CSNK1G3: variants seen among roughly 807,000 people sequenced by gnomAD.
CSNK1G3 encodes casein kinase 1 gamma 3.
In CSNK1G3, 23 loss-of-function variants were observed where a neutral mutation model predicts 64.3. The ratio of observed to expected loss-of-function variants is 0.36; its 90% CI spans 0.26 to 0.51. CSNK1G3 has a LOEUF of 0.51. Among genes scored for constraint, CSNK1G3 ranks in the 20% least tolerant of loss-of-function variants. CSNK1G3 has a pLI of 0.96. For synonymous variants in CSNK1G3, 158 were observed against 162.2 expected, an observed-to-expected ratio of 0.97 and a Z score of 0.20; for missense variants, 357 against 510.5, an observed-to-expected ratio of 0.70 and a Z score of 2.90.
intron 1 of CSNK1G3, among the ~76,000 whole-genome samples, chr5:123,530,421 T>C (rs1779739596): frequency 6.6e-6 from 1 of 152,346 alleles, no homozygotes; most frequent in South Asian, 2.1e-4. Context: ...TGTGCCATAA[T>C]ACAGTAGCTT....
intron 4 of CSNK1G3, among the ~76,000 whole-genome samples, chr5:123,558,057 A>C (rs1018742760): frequency 6.6e-6 from 1 of 152,184 alleles, no homozygotes; most frequent in African/African-American, 2.4e-5. Context: ...AGGAGTAGGC[A>C]TTGTGACTGT....
At chr5:123,536,440 T>TTTA (rs1554068699) in intron 1 of CSNK1G3, among the ~76,000 whole-genome samples, 4 of 118,812 alleles carry the variant, frequency 3.4e-5, no homozygotes, top group Admixed American at 1.8e-4. Flanking sequence ...TTTTTTTTTT[T>TTTA]AAAAAAAAAA....
Position 123,534,133 on chromosome 5 carries a change from TTACGTA to T in CSNK1G3, c.-247-11280_-247-11275del, listed in dbSNP as rs545390630. On this transcript the variant is annotated intron_variant, in intron 1 of 12. Coordinates refer to ENST00000345990, the Ensembl canonical transcript of CSNK1G3. ...TGTGCTAGGTTCAGGGATCATAAAG[TTACGTA>T]TACTAGAGCCCTTGTCATCAAATAC... Among the ~76,000 whole-genome samples, 11 of 152,200 alleles carry T rather than the reference TTACGTA, an allele frequency of 7.2e-5. No individual in the cohort carries two copies. In the South Asian group the frequency reaches 1.0e-3, roughly 14 times the overall value.
At chr5:123,569,391 T>C (rs1249199958) in intron 4 of CSNK1G3, among the ~76,000 whole-genome samples, 2 of 152,224 alleles carry the variant, frequency 1.3e-5, no homozygotes, top group Non-Finnish European at 2.9e-5. Context: ...AGTTACAATG[T>C]AGAGTATAGA....
At chr5:123,531,375 A>G (rs1193100921) in intron 1 of CSNK1G3, among the ~76,000 whole-genome samples, 1 of 152,050 alleles carries the variant, frequency 6.6e-6, no homozygotes, top group Non-Finnish European at 1.5e-5. Context: ...GGCTTTGTCA[A>G]GTCCTAAATT....
At chr5:123,573,580 A>G (rs1284054154) in intron 5 of CSNK1G3, 39 bp downstream of exon 5, 1 of 1,526,392 alleles carries the variant, frequency 6.6e-7, no homozygotes, top group Non-Finnish European at 8.8e-7. Flanking sequence ...TTGAACAATT[A>G]CATGGTTGTT....
At chr5:123,593,301 T>C (rs541961872) in intron 10 of CSNK1G3, among the ~76,000 whole-genome samples, 14 of 151,958 alleles carry the variant, frequency 9.2e-5, no homozygotes, top group Admixed American at 4.6e-4. Context: ...ATACACACTT[T>C]CATCATGATA....
At chr5:123,597,768 A>G (rs1278288660) in intron 10 of CSNK1G3, among the ~76,000 whole-genome samples, 1 of 152,178 alleles carries the variant, frequency 6.6e-6, no homozygotes, top group African/African-American at 2.4e-5. Context: ...CTCTGCAGTC[A>G]GATTTGAGTT....
At chr5:123,610,852 T>C (rs186107476) in intron 12 of CSNK1G3, among the ~76,000 whole-genome samples, 47 of 152,284 alleles carry the variant, frequency 3.1e-4, no homozygotes, top group Non-Finnish European at 5.0e-4. Flanking sequence ...TCGGCGCCTG[T>C]AGTCCCAGCT....
At chr5:123,615,075 G>T (rs1010325704) in exon 13 of CSNK1G3, 4 of 152,604 alleles carry the variant, frequency 2.6e-5, no homozygotes, top group Non-Finnish European at 5.9e-5. Flanking sequence ...CGCTTTTGTT[G>T]CATCACTATG....
intron 10 of CSNK1G3, among the ~76,000 whole-genome samples, chr5:123,601,664 T>C (rs541224323): frequency 6.6e-6 from 1 of 152,330 alleles, no homozygotes; most frequent in Admixed American, 6.5e-5. Flanking sequence ...AAATATGTAA[T>C]GTTGCTAGAA....
chr5:123,594,205 A>G (rs569768323), intron 10 of CSNK1G3, among the ~76,000 whole-genome samples: 1 of 152,256 alleles, frequency 6.6e-6, no homozygotes, highest in South Asian at 2.1e-4. Flanking sequence ...TCTTCTCCCT[A>G]CTTTTTATTA....
exon 13 of CSNK1G3, chr5:123,615,954 G>T (rs187571277): frequency 5.9e-5 from 9 of 152,066 alleles, no homozygotes; most frequent in Non-Finnish European, 1.3e-4. Flanking sequence ...GGATTTAATT[G>T]TACTTTGTAA....
At chr5:123,574,021 TTG>T (rs1428725149) in intron 5 of CSNK1G3, among the ~76,000 whole-genome samples, 2 of 152,066 alleles carry the variant, frequency 1.3e-5, no homozygotes, top group African/African-American at 2.4e-5. Flanking sequence ...GACCAATTTT[TTG>T]TATTTTTTGT....
intron 10 of CSNK1G3, among the ~76,000 whole-genome samples, chr5:123,601,889 C>T (rs1286285543): frequency 1.3e-5 from 2 of 152,142 alleles, no homozygotes; most frequent in Non-Finnish European, 2.9e-5. Flanking sequence ...TACAGGCACT[C>T]TGTTCAAGGT....
chr5:123,536,425 CT>C lies in CSNK1G3; in HGVS notation c.-247-8977del, dbSNP rs3064349. On this transcript the variant is annotated intron_variant, in intron 1 of 12. Transcript: ENST00000345990. Reference sequence around the variant, plus strand: ...TTCTAAATTGAAAAAATATGAAGGGCTTTTTTTTTTTTTTTAAAAAAAAAAG... The same window carrying C: ...TTCTAAATTGAAAAAATATGAAGGGCTTTTTTTTTTTTTTAAAAAAAAAAG... Among the ~76,000 whole-genome samples the C allele has an allele frequency of 6.5e-3, 874 of 134,492 alleles. 3 individuals are homozygous for C. Among genetic ancestry groups the C allele is most frequent in the Middle Eastern group, 0.011 (3 of 262 alleles). 88.2% of individuals were successfully genotyped at this position (134,492 alleles called of 152,430 possible). A position where few individuals can be genotyped will look rare whatever the true frequency, so the allele number is the denominator to read the frequency against.
At position 123,552,934 on chromosome 5, in the gene CSNK1G3, C is replaced by A. The variant is rs1783967285; in HGVS notation, c.179-173C>A. The A allele has an allele frequency of 1.5e-5, 6 of 398,726 alleles. No individual in the cohort carries two copies. In the South Asian group the frequency reaches 3.2e-4, roughly 21 times the overall value. The allele number at this position is 398,726 out of a possible 1,614,324, so 24.7% of individuals were successfully genotyped here. ...CTGAATCTAGGTGAAATACTAAATACATCGAGTTGATAATAAGTTTGAATA... is the reference window on the plus strand; with the variant it reads ...CTGAATCTAGGTGAAATACTAAATAAATCGAGTTGATAATAAGTTTGAATA... On this transcript the variant is annotated intron_variant, in intron 2 of 12. Transcript: ENST00000345990.
chr5:123,573,411 A>G (rs758381756), exon 5 of CSNK1G3: 1 of 1,613,946 alleles, frequency 6.2e-7, no homozygotes, highest in Non-Finnish European at 8.5e-7. Context: ...CCTCAAGTTT[A>G]CTATTTCGGC....
At position 123,603,423 on chromosome 5, in the gene CSNK1G3, A is replaced by G. The variant is rs183499153; in HGVS notation, c.1087-1301A>G. ...TGCATACATGCATTCATTTATTTCA[A>G]CGTATATTTATTGAGTTCCTATTCT... On this transcript the variant is annotated intron_variant, in intron 10 of 12. Transcript: ENST00000345990. Among the ~76,000 whole-genome samples, 923 of 152,226 alleles carry G rather than the reference A, an allele frequency of 6.1e-3. 13 individuals carry two copies. The highest frequency in any genetic ancestry group is 0.021 in the African/African-American group (867 of 41,550).
Sources: allele counts gnomAD v4.1 joint callset (sites outside exome capture counted in the v4.1 genomes callset), GRCh38; gene constraint gnomAD v4.1.1; transcripts MANE v1.5; gene names NCBI Gene and HGNC (gene_info 2026-07-23, HGNC 2026-07-21).